Variants in SH3RF1 observed in about 807,000 individuals in gnomAD.
SH3RF1 encodes the protein E3 ubiquitin-protein ligase SH3RF1.
SH3RF1 carries 32 observed loss-of-function variants against 74.0 expected under a neutral mutation model. The observed-to-expected ratio is 0.43, with a 90% CI of 0.33 to 0.58. SH3RF1 has a LOEUF of 0.58. SH3RF1 is among the 20% of genes least tolerant of loss of function. The pLI is 0.05. For synonymous variants in SH3RF1, 396 were observed against 439.6 expected (o/e 0.90, Z 1.24); for missense variants, 954 against 1,130.9 (o/e 0.84, Z 2.24).
rs376984217 is a variant in SH3RF1, at chr4:169,204,903, G to GA, written c.394-48225dup. 5.5e-3 allele frequency among the ~76,000 whole-genome samples: 820 copies of GA among 149,730 alleles called. 3 individuals are homozygous for GA. Among genetic ancestry groups the GA allele is most frequent in the Non-Finnish European group, 7.2e-3 (486 of 67,336 alleles). ...ATATTTTATCTTGTTTCTGACATTT[G>GA]AAAAAAAAAATTCTAATATTAAGAA... On this transcript the variant is annotated intron_variant, in intron 2 of 11. Transcript: ENST00000284637.
chr4:169,270,271 C>T (rs183237723), intron 1 of SH3RF1, among the ~76,000 whole-genome samples: 320 of 152,238 alleles, frequency 2.1e-3, no homozygotes, highest in Non-Finnish European at 3.6e-3. Flanking sequence ...TACTCCCAAG[C>T]CCGCAGGGAG....
chr4:169,175,774 G>C (rs754193931), intron 2 of SH3RF1, among the ~76,000 whole-genome samples: 6 of 152,148 alleles, frequency 3.9e-5, no homozygotes, highest in Admixed American at 1.3e-4. Flanking sequence ...CCATACCTGA[G>C]GCAAGTTGTA....
At chr4:169,240,396 C>A (rs1459673209) in intron 2 of SH3RF1, among the ~76,000 whole-genome samples, 1 of 151,900 alleles carries the variant, frequency 6.6e-6, no homozygotes, top group Non-Finnish European at 1.5e-5. Flanking sequence ...TGGGATTTCA[C>A]CACATTGCCC....
intron 11 of SH3RF1, among the ~76,000 whole-genome samples, chr4:169,099,352 G>T (rs953674980): frequency 7.2e-5 from 11 of 152,226 alleles, no homozygotes; most frequent in Non-Finnish European, 1.3e-4. Context: ...GCCCCAGAAA[G>T]TGCTGGGATT....
In SH3RF1 at chr4:169,096,590, A is replaced by C; in HGVS notation, c.2596T>G (p.Trp866Gly). The change falls in exon 12 of 12, where the codon TGG becomes GGG. Residue 866 changes from tryptophan to glycine, a missense_variant. Trp to Gly is a radical substitution (Grantham distance 184). Coordinates refer to ENST00000284637, the MANE Select transcript of SH3RF1 (RefSeq NM_020870.4). ...TTACGTTGTAATGTGCCTTTGAACC[A>C]GCCATCCTCTCGTTTTTTATGAACA... ...VFVHKKREDG[W>G]FKGTLQRNGK... is the part of the protein sequence containing the mutation. 1 of 1,614,206 alleles carries C rather than the reference A, an allele frequency of 6.2e-7. No individual in the cohort carries two copies. The highest frequency in any genetic ancestry group is 8.5e-7 in the Non-Finnish European group (1 of 1,180,026).
chr4:169,124,709 A>G (rs1733496805), intron 6 of SH3RF1, among the ~76,000 whole-genome samples: 2 of 152,248 alleles, frequency 1.3e-5, no homozygotes, highest in Non-Finnish European at 2.9e-5. Context: ...GGGGTTGGTG[A>G]AATGATAGGG....
chr4:169,211,406 C>T (rs1419960611), intron 2 of SH3RF1, among the ~76,000 whole-genome samples: 5 of 145,200 alleles, frequency 3.4e-5, no homozygotes, highest in Admixed American at 1.5e-4. Context: ...GGCATGAACC[C>T]GGGAGGCGGA....
At chr4:169,100,561 C>G (rs1036986699) in intron 11 of SH3RF1, among the ~76,000 whole-genome samples, 4 of 152,246 alleles carry the variant, frequency 2.6e-5, no homozygotes, top group African/African-American at 9.6e-5. Flanking sequence ...AGGCTGGTCT[C>G]TAACTCCTGA....
intron 11 of SH3RF1, 24 bp downstream of exon 11, chr4:169,106,823 T>C (rs759548710): frequency 7.0e-5 from 106 of 1,516,652 alleles, no homozygotes; most frequent in Non-Finnish European, 8.9e-5. Context: ...TTTTAGTTTT[T>C]TCCTGGAACG....
chr4:169,232,657 G>C (rs1183104887), intron 2 of SH3RF1, among the ~76,000 whole-genome samples: 1 of 152,102 alleles, frequency 6.6e-6, no homozygotes, highest in African/African-American at 2.4e-5. Flanking sequence ...TTAATAATCA[G>C]ATACTTTCTG....
At position 169,225,896 on chromosome 4, in the gene SH3RF1, T is replaced by C. The variant is rs10023245; in HGVS notation, c.393+42924A>G. Among the ~76,000 whole-genome samples, 367 of 152,140 alleles carry C rather than the reference T, an allele frequency of 2.4e-3. 1 individual carries two copies. The highest frequency in any genetic ancestry group is 8.2e-3 in the African/African-American group (339 of 41,478). On this transcript the variant is annotated intron_variant, in intron 2 of 11. Coordinates refer to ENST00000284637, the MANE Select transcript of SH3RF1 (RefSeq NM_020870.4). ...AAAACAGAAGAGATGAGCAGAGACA[T>C]GTTACCCTTAGAAAGAGGAAGAGAC...
At chr4:169,171,009 T>C (rs1221492850) in intron 2 of SH3RF1, among the ~76,000 whole-genome samples, 1 of 152,244 alleles carries the variant, frequency 6.6e-6, no homozygotes, top group Non-Finnish European at 1.5e-5. Flanking sequence ...AAACTTAATT[T>C]TAGGCTAAAG....
chr4:169,138,870 C>T (rs1733738475), intron 4 of SH3RF1, among the ~76,000 whole-genome samples: 1 of 152,132 alleles, frequency 6.6e-6, no homozygotes, highest in South Asian at 2.1e-4. Flanking sequence ...GCTGCTTTCT[C>T]AACAGAACAA....
chr4:169,130,244 T>TAA (rs34377181), intron 5 of SH3RF1, 88 bp from the exon 6 acceptor site: 1,886 of 761,418 alleles, frequency 2.5e-3, no homozygotes, highest in South Asian at 4.5e-3. Context: ...CAAGTCACAT[T>TAA]AAAAAAAAAA....
chr4:169,099,734 T>C (rs1015762754), intron 11 of SH3RF1, among the ~76,000 whole-genome samples: 3 of 152,122 alleles, frequency 2.0e-5, no homozygotes, highest in Non-Finnish European at 4.4e-5. Flanking sequence ...ACTAAACCAA[T>C]TTTGTCAAAA....
chr4:169,214,887 T>C (rs1000480038), intron 2 of SH3RF1, among the ~76,000 whole-genome samples: 4 of 152,184 alleles, frequency 2.6e-5, no homozygotes, highest in African/African-American at 9.7e-5. Flanking sequence ...ATTTTCTACG[T>C]ATATTATCAT....
rs375672416 is a variant in SH3RF1, at chr4:169,173,027, TATAA to T, written c.394-16352_394-16349del. The stretch of plus-strand genomic sequence containing the variant: ...GTGTGTGAAATTCTAATACACTTGC[TATAA>T]ATAGAGTATCTTGTTTACTAAATAA... On this transcript the variant is annotated intron_variant, in intron 2 of 11. Transcript: ENST00000284637. 5.4e-4 allele frequency among the ~76,000 whole-genome samples: 83 copies of T among 152,338 alleles called. No individual in the cohort carries two copies. The East Asian group carries it at 0.012, about 23-fold the overall frequency.
intron 3 of SH3RF1, 38 bp downstream of exon 3, chr4:169,156,366 G>A: frequency 6.6e-7 from 1 of 1,523,280 alleles, no homozygotes; most frequent in Non-Finnish European, 8.8e-7. Flanking sequence ...TACAGAGGTA[G>A]AGCTGGCAAA....
At chr4:169,223,630 T>C (rs1250211246) in intron 2 of SH3RF1, among the ~76,000 whole-genome samples, 1 of 152,208 alleles carries the variant, frequency 6.6e-6, no homozygotes, top group Non-Finnish European at 1.5e-5. Context: ...TTTTTAAAAA[T>C]TATGTCCTTC....
Sources: gnomAD v4.1 joint callset for allele counts (sites outside exome capture counted in the v4.1 genomes callset) on GRCh38, gnomAD v4.1.1 for gene constraint, MANE v1.5 for transcripts, NCBI Gene and HGNC (gene_info 2026-07-23, HGNC 2026-07-21) for gene names.